The following ERBIN variants were observed in gnomAD, a reference collection of about 807,000 sequenced individuals.
The protein encoded by ERBIN is densin-180-like protein.
In ERBIN, 60 loss-of-function variants were observed where a neutral mutation model predicts 158.4. That is an observed-to-expected ratio of 0.38 (90% CI 0.31 to 0.47). ERBIN has a LOEUF of 0.47. Among genes scored for constraint, ERBIN ranks in the 20% least tolerant of loss-of-function variants. The pLI is 0.99. For missense variants in ERBIN, 1,610 were observed against 1,648.0 expected (o/e 0.98, Z 0.40); for synonymous variants, 594 against 557.2 (o/e 1.07, Z -0.93).
At chr5:65,960,790 T>C (rs1202567571) in intron 1 of ERBIN, among the ~76,000 whole-genome samples, 1 of 152,166 alleles carries the variant, frequency 6.6e-6, no homozygotes, top group African/African-American at 2.4e-5. Flanking sequence ...GTTAAACTAG[T>C]GTGTAAAAAA....
At chr5:65,997,747 A>G (rs534512640) in intron 4 of ERBIN, among the ~76,000 whole-genome samples, 40 of 152,334 alleles carry the variant, frequency 2.6e-4, no homozygotes, top group Admixed American at 3.9e-4. Flanking sequence ...CATATTCCAC[A>G]GCTCTTAGCT....
chr5:65,942,258 T>A (rs1745146440), intron 1 of ERBIN, among the ~76,000 whole-genome samples: 2 of 152,238 alleles, frequency 1.3e-5, no homozygotes, highest in African/African-American at 2.4e-5. Context: ...ATAACTCAGA[T>A]TAGAAAAAGA....
intron 15 of ERBIN, among the ~76,000 whole-genome samples, chr5:66,038,942 G>C (rs1757670860): frequency 6.6e-6 from 1 of 151,656 alleles, no homozygotes; most frequent in South Asian, 2.1e-4. Flanking sequence ...TTTACTACTG[G>C]GCACAGATGT....
intron 1 of ERBIN, among the ~76,000 whole-genome samples, chr5:65,965,569 T>G (rs1040223867): frequency 3.3e-5 from 5 of 152,276 alleles, no homozygotes; most frequent in African/African-American, 1.2e-4. Flanking sequence ...CATTTTTGTA[T>G]TTTTAGTAGA....
intron 3 of ERBIN, among the ~76,000 whole-genome samples, chr5:65,993,769 C>T (rs1400512640): frequency 2.6e-5 from 4 of 151,946 alleles, no homozygotes; most frequent in South Asian, 2.1e-4. Flanking sequence ...AAATATAGGA[C>T]GCTTAAATTA....
At chr5:65,942,800 C>A (rs947601052) in intron 1 of ERBIN, among the ~76,000 whole-genome samples, 57 of 151,890 alleles carry the variant, frequency 3.8e-4, no homozygotes, top group African/African-American at 1.3e-3. Flanking sequence ...TTGCGCATGC[C>A]TGTAATTCCG....
intron 1 of ERBIN, among the ~76,000 whole-genome samples, chr5:65,946,276 A>G (rs895237484): frequency 6.6e-6 from 1 of 152,084 alleles, no homozygotes; most frequent in Middle Eastern, 3.2e-3. Flanking sequence ...AGATGGAGGT[A>G]TTGCTTGATC....
intron 8 of ERBIN, 95 bp downstream of exon 8, chr5:66,021,480 G>T: frequency 2.1e-6 from 2 of 937,802 alleles, no homozygotes; most frequent in South Asian, 2.2e-5. Flanking sequence ...ATTGGATAAA[G>T]GTTTACTTTT....
At position 65,932,317 on chromosome 5, in the gene ERBIN, GA is replaced by G. The variant is rs1299731804; in HGVS notation, c.-58+5512del. Among the ~76,000 whole-genome samples, 12 of 139,112 alleles carry G rather than the reference GA, an allele frequency of 8.6e-5. No homozygotes were observed. The East Asian group carries it at 2.6e-3, about 30-fold the overall frequency. 91.3% of individuals were successfully genotyped at this position (139,112 alleles called of 152,430 possible). A position where few individuals can be genotyped will look rare whatever the true frequency, so the allele number is the denominator to read the frequency against. ...TCGCGCCACTGCATTCCAGCCTGGCGACAGAGCAAGACTCCGTCTCAAAAAA... is the reference window on the plus strand; with the variant it reads ...TCGCGCCACTGCATTCCAGCCTGGCGCAGAGCAAGACTCCGTCTCAAAAAA... On this transcript the variant is annotated intron_variant, in intron 1 of 25. Transcript: ENST00000284037.
intron 14 of ERBIN, among the ~76,000 whole-genome samples, chr5:66,035,862 G>GCAA (rs1757342017): frequency 6.6e-6 from 1 of 152,176 alleles, no homozygotes; most frequent in African/African-American, 2.4e-5. Context: ...GAGAAGTCAA[G>GCAA]GCAGGAGGCT....
intron 22 of ERBIN, among the ~76,000 whole-genome samples, chr5:66,074,411 TTAA>T (rs201762758): frequency 1.0e-4 from 14 of 136,120 alleles, no homozygotes; most frequent in African/African-American, 2.8e-4. Context: ...GTCTATGGAA[TTAA>T]TAATAAGAGA....
chr5:65,992,028 C>T (rs147528256), intron 2 of ERBIN, among the ~76,000 whole-genome samples: 2,998 of 152,274 alleles, frequency 0.02, 47 homozygotes, highest in Middle Eastern at 0.065. Context: ...CTCAAAACTG[C>T]ACTTAATCAT....
intron 1 of ERBIN, among the ~76,000 whole-genome samples, chr5:65,980,390 T>C (rs1339525803): frequency 6.6e-6 from 1 of 152,048 alleles, no homozygotes; most frequent in Admixed American, 6.5e-5. Context: ...ATCATGCCAC[T>C]GCACTCCAGC....
intron 1 of ERBIN, among the ~76,000 whole-genome samples, chr5:65,968,597 G>A (rs990411871): frequency 3.9e-5 from 6 of 152,040 alleles, no homozygotes; most frequent in Non-Finnish European, 7.4e-5. Flanking sequence ...GTCTTGCTCC[G>A]TTGCCCAGGC....
At chr5:65,947,979 C>T (rs1745988515) in intron 1 of ERBIN, among the ~76,000 whole-genome samples, 1 of 146,260 alleles carries the variant, frequency 6.8e-6, no homozygotes, top group African/African-American at 2.5e-5. Flanking sequence ...CATTCCACTC[C>T]AGCCTGGGCA....
intron 1 of ERBIN, among the ~76,000 whole-genome samples, chr5:65,959,706 T>C (rs2150953272): frequency 6.6e-6 from 1 of 152,342 alleles, no homozygotes; most frequent in South Asian, 2.1e-4. Context: ...GTGCCCCCTT[T>C]TATATAGCAT....
intron 1 of ERBIN, among the ~76,000 whole-genome samples, chr5:65,944,455 G>A (rs1745490599): frequency 6.6e-6 from 1 of 151,982 alleles, no homozygotes; most frequent in African/African-American, 2.4e-5. Flanking sequence ...AGGCCAGAGT[G>A]CAGTGGTGCA....
chr5:66,003,608 T>A (rs1284388943), intron 4 of ERBIN, among the ~76,000 whole-genome samples: 1 of 152,212 alleles, frequency 6.6e-6, no homozygotes, highest in African/African-American at 2.4e-5. Context: ...TTTTGTCTTT[T>A]TTCAGACATG....
rs191137999 is a variant in ERBIN, at chr5:66,025,895, C to T, written c.938C>T (p.Ala313Val). 1.3e-6 allele frequency: 2 copies of T among 1,581,768 alleles called. No individual in the cohort carries two copies. The highest frequency in any genetic ancestry group is 3.5e-5 in the Admixed American group (2 of 57,152). ...GATTGTAGTTTCAATGAAGTTGAAG[C>T]TTTGCCTTCATCTATTGGGCAGCTT... ...ELDCSFNEVE[A>V]LPSSIGQLTN... Residue 313 changes from alanine to valine, a missense_variant, in exon 12 of 26, where the codon GCT becomes GTT. Around this residue, in one of 2 missense-constraint regions of ERBIN, gnomAD observed 596 missense variants for 711.9 expected, o/e 0.84. Coordinates refer to ENST00000284037, the MANE Select transcript of ERBIN (RefSeq NM_001253697.2).
Sources: gnomAD v4.1 joint callset for allele counts (sites outside exome capture counted in the v4.1 genomes callset) on GRCh38, gnomAD v4.1.1 for gene constraint, gnomAD v4.1.1 regional missense constraint, MANE v1.5 for transcripts, NCBI Gene and HGNC (gene_info 2026-07-23, HGNC 2026-07-21) for gene names.